Variants in SLC24A2 observed in about 807,000 individuals in gnomAD.
SLC24A2 encodes sodium/potassium/calcium exchanger 2.
In SLC24A2, 36 loss-of-function variants were observed where a neutral mutation model predicts 62.0. The ratio of observed to expected loss-of-function variants is 0.58; its 90% confidence interval spans 0.44 to 0.77. The LOEUF is 0.77. Ranked by LOEUF, SLC24A2 falls within the 30% of genes least tolerant of loss-of-function variation. The pLI is 0.00. For synonymous variants in SLC24A2, 358 were observed against 294.0 expected, an observed-to-expected ratio of 1.22 and a Z score of -2.23; for missense variants, 846 against 817.9, an observed-to-expected ratio of 1.03 and a Z score of -0.42.
At chr9:20,271,216 T>C in the SLC24A2 span, among the ~76,000 whole-genome samples, 1 of 152,212 alleles carries the variant, frequency 6.6e-6, no homozygotes, top group East Asian at 1.9e-4. Flanking sequence ...TCGAAGATGT[T>C]GTCTGTGCTG....
At chr9:19,635,500 G>A (rs943197157) in intron 2 of SLC24A2, among the ~76,000 whole-genome samples, 6 of 152,080 alleles carry the variant, frequency 3.9e-5, no homozygotes, top group Non-Finnish European at 8.8e-5. Context: ...TAAATTATAG[G>A]AGCATTGGAT....
intron 2 of SLC24A2, among the ~76,000 whole-genome samples, chr9:19,671,669 C>T (rs1819420194): frequency 6.6e-6 from 1 of 152,136 alleles, no homozygotes; most frequent in East Asian, 1.9e-4. Context: ...TTTCCTCTTT[C>T]AGTATTAGGT....
At chr9:19,887,003 G>A in the SLC24A2 span, among the ~76,000 whole-genome samples, 1 of 152,114 alleles carries the variant, frequency 6.6e-6, no homozygotes, top group African/African-American at 2.4e-5. Flanking sequence ...GCTGAACGAC[G>A]AGAACACATG....
At chr9:19,853,541 A>G in the SLC24A2 span, among the ~76,000 whole-genome samples, 1 of 152,046 alleles carries the variant, frequency 6.6e-6, no homozygotes, top group Non-Finnish European at 1.5e-5. Context: ...TTATCGAAGG[A>G]CCTTTCTGCA....
the SLC24A2 span, among the ~76,000 whole-genome samples, chr9:20,147,724 C>A: frequency 6.6e-6 from 1 of 151,366 alleles, no homozygotes; most frequent in African/African-American, 2.4e-5. Flanking sequence ...GAGGATGGCC[C>A]GTGGTCAGTA....
chr9:19,774,378 A>G (rs1822781972), intron 2 of SLC24A2, among the ~76,000 whole-genome samples: 1 of 152,222 alleles, frequency 6.6e-6, no homozygotes, highest in Non-Finnish European at 1.5e-5. Flanking sequence ...GTCTATCCAA[A>G]ATAATCTCTG....
chr9:19,846,013 T>G, the SLC24A2 span, among the ~76,000 whole-genome samples: 1 of 152,246 alleles, frequency 6.6e-6, no homozygotes, highest in South Asian at 2.1e-4. Context: ...TGGCTGAGCA[T>G]GTGGTCGATC....
At chr9:19,964,203 ACT>A in the SLC24A2 span, among the ~76,000 whole-genome samples, 6 of 114,934 alleles carry the variant, frequency 5.2e-5, no homozygotes, top group Admixed American at 2.5e-4. Flanking sequence ...GGAACATCAC[ACT>A]CTGGGGACTG....
chr9:20,262,755 CCTT>C, the SLC24A2 span, among the ~76,000 whole-genome samples: 18 of 152,326 alleles, frequency 1.2e-4, no homozygotes, highest in East Asian at 3.5e-3. Flanking sequence ...TGAATGAACT[CCTT>C]CTGCTGGAAT....
At chr9:19,555,124 C>G (rs987830243) in intron 7 of SLC24A2, among the ~76,000 whole-genome samples, 5 of 152,078 alleles carry the variant, frequency 3.3e-5, no homozygotes, top group African/African-American at 1.2e-4. Context: ...CACTTCACAT[C>G]ACAATATGTT....
chr9:20,029,850 A>C, the SLC24A2 span, among the ~76,000 whole-genome samples: 1 of 151,924 alleles, frequency 6.6e-6, no homozygotes, highest in Non-Finnish European at 1.5e-5. Context: ...GTGTGTATGC[A>C]TGTATGTGTG....
the SLC24A2 span, among the ~76,000 whole-genome samples, chr9:20,299,391 C>A: frequency 6.6e-6 from 1 of 152,134 alleles, no homozygotes; most frequent in Admixed American, 6.5e-5. Context: ...GCTGTTCATG[C>A]CAAGAAGTGG....
chr9:20,264,965 A>C, the SLC24A2 span, among the ~76,000 whole-genome samples: 1 of 152,210 alleles, frequency 6.6e-6, no homozygotes. Context: ...ATGAGCACAG[A>C]GGCCTATCTA....
At chr9:20,248,368 A>G in the SLC24A2 span, among the ~76,000 whole-genome samples, 1 of 152,258 alleles carries the variant, frequency 6.6e-6, no homozygotes, top group Non-Finnish European at 1.5e-5. Flanking sequence ...CAAATATGCC[A>G]TAAGCTGAGT....
At chr9:19,711,422 C>G (rs1317808003) in intron 2 of SLC24A2, among the ~76,000 whole-genome samples, 1 of 152,102 alleles carries the variant, frequency 6.6e-6, no homozygotes, top group Non-Finnish European at 1.5e-5. Context: ...AACCTGAAGC[C>G]ACAAAATTTG....
chr9:19,534,171 A>G (rs983299083), intron 8 of SLC24A2, among the ~76,000 whole-genome samples: 3 of 152,080 alleles, frequency 2.0e-5, no homozygotes, highest in Non-Finnish European at 4.4e-5. Context: ...CTGTGGGGGG[A>G]AAACCCATCA....
At chr9:20,112,993 G>A in the SLC24A2 span, among the ~76,000 whole-genome samples, 1 of 152,204 alleles carries the variant, frequency 6.6e-6, no homozygotes, top group East Asian at 1.9e-4. Context: ...AGTAATTCTG[G>A]GTTCAACTTG....
intron 2 of SLC24A2, among the ~76,000 whole-genome samples, chr9:19,741,216 G>T (rs1358894625): frequency 1.3e-5 from 2 of 152,246 alleles, no homozygotes; most frequent in African/African-American, 4.8e-5. Context: ...TTCAGGCTTT[G>T]TGACACTTGA....
the SLC24A2 span, among the ~76,000 whole-genome samples, chr9:20,159,036 G>C: frequency 0.095 from 14,450 of 151,504 alleles, 1,699 homozygotes; most frequent in East Asian, 0.58. Context: ...ACTTACATTC[G>C]AGTTCTCAAT....
Sources: gnomAD v4.1 joint callset for allele counts (sites outside exome capture counted in the v4.1 genomes callset) on GRCh38, gnomAD v4.1.1 for gene constraint, MANE v1.5 for transcripts, NCBI Gene and HGNC (gene_info 2026-07-23, HGNC 2026-07-21) for gene names.